Variants in IFT81 observed in about 807,000 individuals in gnomAD.
IFT81 encodes intraflagellar transport protein 81 homolog.
IFT81 carries 72 observed loss-of-function variants against 102.6 expected under a neutral mutation model. The ratio of observed to expected loss-of-function variants is 0.70; its 90% CI spans 0.58 to 0.85. The LOEUF is 0.85. IFT81 is among the 40% of genes least tolerant of loss of function. IFT81 has a pLI of 0.00. For missense variants in IFT81, 723 were observed against 787.3 expected (o/e 0.92, Z 0.98); for synonymous variants, 237 against 242.7 (o/e 0.98, Z 0.22).
Position 110,166,906 on chromosome 12 carries a change from TTTGA to T in IFT81, c.1188+3847_1188+3850del, listed in dbSNP as rs1896464266. 2.0e-5 allele frequency among the ~76,000 whole-genome samples: 3 copies of T among 152,158 alleles called. No individual in the cohort carries two copies. In the South Asian group the frequency reaches 6.2e-4, roughly 32 times the overall value. ...TTCCTTGATTGTCGATATGTAGTTA[TTTGA>T]TTGATCTTATCTTGGAAAAATTTAG... On this transcript the variant is annotated intron_variant, in intron 11 of 18. Coordinates refer to ENST00000242591, the MANE Select transcript of IFT81 (RefSeq NM_014055.4).
intron 18 of IFT81, among the ~76,000 whole-genome samples, chr12:110,211,180 T>C (rs1262780805): frequency 3.6e-5 from 5 of 140,488 alleles, no homozygotes; most frequent in East Asian, 2.0e-4. Context: ...GCTTTCTTTT[T>C]TTTTTTTTTT....
At chr12:110,181,583 G>T (rs1183432012) in intron 12 of IFT81, among the ~76,000 whole-genome samples, 1 of 152,116 alleles carries the variant, frequency 6.6e-6, no homozygotes, top group Admixed American at 6.6e-5. Context: ...TGTATATTCT[G>T]CAGTTGTTGG....
intron 5 of IFT81, among the ~76,000 whole-genome samples, chr12:110,134,368 A>G (rs1334551189): frequency 6.6e-6 from 1 of 152,150 alleles, no homozygotes; most frequent in Non-Finnish European, 1.5e-5. Context: ...TAGATTTAGG[A>G]AGGAGTTTTT....
intron 15 of IFT81, 119 bp from the exon 16 acceptor site, chr12:110,205,323 TA>T: frequency 9.0e-7 from 1 of 1,116,862 alleles, no homozygotes; most frequent in Non-Finnish European, 1.2e-6. Context: ...TAAACAAAGT[TA>T]AAATTGCAGA....
intron 12 of IFT81, among the ~76,000 whole-genome samples, chr12:110,187,604 T>C (rs1261807331): frequency 2.6e-5 from 4 of 152,158 alleles, no homozygotes; most frequent in Non-Finnish European, 5.9e-5. Flanking sequence ...TTTGGGCCTA[T>C]TACTTTGCTT....
chr12:110,143,260 A>G lies in IFT81; in HGVS notation c.782-122A>G, dbSNP rs535842110. 8.2e-4 allele frequency: 381 copies of G among 462,100 alleles called. 1 individual carries two copies. Among genetic ancestry groups the G allele is most frequent in the Middle Eastern group, 2.1e-3 (3 of 1,406 alleles). The allele number at this position is 462,100 out of a possible 1,614,324, so 28.6% of individuals were successfully genotyped here. ...GGCCAATCTTTTATTGTACTATGCT[A>G]TATATTATACAGTTTGTTTTCAACA... On this transcript the variant is annotated intron_variant, in intron 8 of 18. Coordinates refer to ENST00000242591, the MANE Select transcript of IFT81 (RefSeq NM_014055.4).
At chr12:110,163,422 G>A (rs549683901) in intron 11 of IFT81, among the ~76,000 whole-genome samples, 91 of 151,954 alleles carry the variant, frequency 6.0e-4, no homozygotes, top group Non-Finnish European at 1.1e-3. Context: ...TGTATTTTTA[G>A]TAGAGACAGA....
At chr12:110,149,956 C>T (rs1402374214) in intron 10 of IFT81, among the ~76,000 whole-genome samples, 3 of 152,186 alleles carry the variant, frequency 2.0e-5, no homozygotes, top group Non-Finnish European at 4.4e-5. Flanking sequence ...TGCCTGTCCT[C>T]ACCTAGGTCC....
At chr12:110,130,777 TATATAC>T (rs914861902) in intron 4 of IFT81, among the ~76,000 whole-genome samples, 1 of 151,992 alleles carries the variant, frequency 6.6e-6, no homozygotes, top group South Asian at 2.1e-4. Flanking sequence ...TATATATATG[TATATAC>T]ATATACATAT....
chr12:110,216,009 A>G (rs1357471881), intron 18 of IFT81, among the ~76,000 whole-genome samples: 1 of 152,202 alleles, frequency 6.6e-6, no homozygotes, highest in Admixed American at 6.6e-5. Context: ...GGACATAAAT[A>G]GAGTATACAC....
At chr12:110,199,765 A>G (rs1443556624) in intron 14 of IFT81, among the ~76,000 whole-genome samples, 1 of 152,170 alleles carries the variant, frequency 6.6e-6, no homozygotes, top group East Asian at 1.9e-4. Flanking sequence ...ATGCAGTCCC[A>G]CACAACAAAG....
chr12:110,187,135 T>C (rs943818390), intron 12 of IFT81, among the ~76,000 whole-genome samples: 4 of 152,228 alleles, frequency 2.6e-5, no homozygotes, highest in African/African-American at 9.6e-5. Context: ...TCCATATGAT[T>C]CAATTTTATA....
At chr12:110,206,922 AT>A in intron 17 of IFT81, among the ~76,000 whole-genome samples, 1 of 152,296 alleles carries the variant, frequency 6.6e-6, no homozygotes, top group South Asian at 2.1e-4. Context: ...TTCTTAAAAA[AT>A]AAAAATTTTT....
intron 18 of IFT81, chr12:110,216,725 C>A: frequency 2.5e-6 from 1 of 403,046 alleles, no homozygotes. Flanking sequence ...GGGATTTCAC[C>A]ATGTTGGCCA....
chr12:110,215,249 C>G (rs940374978), intron 18 of IFT81, among the ~76,000 whole-genome samples: 8 of 151,694 alleles, frequency 5.3e-5, no homozygotes, highest in African/African-American at 1.9e-4. Flanking sequence ...CCTTTGCACT[C>G]TGCCTCTGTG....
Position 110,127,389 on chromosome 12 carries a change from T to C in IFT81, c.9T>C (p.Asp3=), listed in dbSNP as rs1367746546. The part of the protein sequence containing the change: MS[D]QIKFIMDSLN... The stretch of plus-strand genomic sequence containing the variant: ...AATTATAAGACCTAATTATGAGTGA[T>C]CAAATTAAATTCATTATGGACAGTC... The change falls in exon 2 of 19, where the codon GAT becomes GAC. Residue 3 remains aspartate (D), a synonymous_variant. Transcript: ENST00000242591. 1.3e-6 allele frequency: 2 copies of C among 1,578,218 alleles called. No homozygotes were observed. The highest frequency in any genetic ancestry group is 8.6e-7 in the Non-Finnish European group (1 of 1,166,554).
intron 14 of IFT81, among the ~76,000 whole-genome samples, chr12:110,196,426 G>A (rs1898004681): frequency 6.6e-6 from 1 of 152,148 alleles, no homozygotes; most frequent in Non-Finnish European, 1.5e-5. Flanking sequence ...AGGCTGAGGT[G>A]GCAGAATCGC....
At chr12:110,175,518 G>A (rs1002959503) in intron 11 of IFT81, among the ~76,000 whole-genome samples, 9 of 152,074 alleles carry the variant, frequency 5.9e-5, no homozygotes, top group Non-Finnish European at 1.3e-4. Context: ...TTTGATCTCG[G>A]TATTTTCGTT....
At chr12:110,209,448 A>G (rs1414306927) in intron 18 of IFT81, among the ~76,000 whole-genome samples, 1 of 152,210 alleles carries the variant, frequency 6.6e-6, no homozygotes, top group Non-Finnish European at 1.5e-5. Flanking sequence ...CAGAGAGTTC[A>G]TGATAATGTT....
Sources: allele counts gnomAD v4.1 joint callset (sites outside exome capture counted in the v4.1 genomes callset), GRCh38; gene constraint gnomAD v4.1.1; transcripts MANE v1.5; gene names NCBI Gene and HGNC (gene_info 2026-07-23, HGNC 2026-07-21).